Variants in SPEF2 observed in about 807,000 individuals in gnomAD.
SPEF2 encodes sperm flagella and cilia-associated protein 2.
A neutral mutation model predicts 224.6 loss-of-function variants in SPEF2; 187 were observed. The observed-to-expected ratio is 0.83, with a 90% CI of 0.74 to 0.94. The LOEUF is 0.94. SPEF2 is among the 40% of genes least tolerant of loss of function. The pLI is 0.00. For synonymous variants in SPEF2, 715 were observed against 707.3 expected (o/e 1.01, Z -0.17); for missense variants, 2,170 against 2,135.6 (o/e 1.02, Z -0.32).
At chr5:35,681,946 A>C (rs1043435321) in intron 10 of SPEF2, among the ~76,000 whole-genome samples, 2 of 152,208 alleles carry the variant, frequency 1.3e-5, no homozygotes, top group Non-Finnish European at 2.9e-5. Flanking sequence ...TGAATAGCTA[A>C]AGAAAGGTCC....
Position 35,748,503 on chromosome 5 carries a change from A to T in SPEF2, c.3331-5121A>T, listed in dbSNP as rs553387358. ...CAAAACAGGAGATATTACAACTGAC[A>T]TCACTGAAATACAAAAGATCATTCA... On this transcript the variant is annotated intron_variant, in intron 23 of 36. Transcript: ENST00000356031. 4.8e-3 allele frequency among the ~76,000 whole-genome samples: 725 copies of T among 152,322 alleles called. 5 individuals carry two copies. Among genetic ancestry groups the T allele is most frequent in the African/African-American group, 0.017 (688 of 41,576 alleles).
intron 8 of SPEF2, 63 bp downstream of exon 8, chr5:35,659,270 G>A: frequency 1.2e-5 from 18 of 1,443,340 alleles, no homozygotes; most frequent in South Asian, 7.2e-5. Flanking sequence ...ACCAAGTCGT[G>A]GTAAACAAAG....
rs1561103245 is a variant in SPEF2, at chr5:35,633,559, TTGG to T, written c.161+4998_161+5000del. Among the ~76,000 whole-genome samples, 3 of 152,172 alleles carry T rather than the reference TTGG, an allele frequency of 2.0e-5. No individual in the cohort carries two copies. The East Asian group carries it at 5.8e-4, about 29-fold the overall frequency. ...GTATTTTCTTGTAGAAAGCATATGA[TTGG>T]ATTGTATATTCTGTCAATTCCCTCT... On this transcript the variant is annotated intron_variant, in intron 2 of 36. Coordinates refer to ENST00000356031, the MANE Select transcript of SPEF2 (RefSeq NM_024867.4).
chr5:35,729,103 T>C (rs1372273561), intron 21 of SPEF2, among the ~76,000 whole-genome samples: 1 of 152,048 alleles, frequency 6.6e-6, no homozygotes, highest in Admixed American at 6.6e-5. Flanking sequence ...AAAATTAACA[T>C]TGAAATATGG....
At position 35,667,219 on chromosome 5, in the gene SPEF2, T is replaced by C; in HGVS notation, c.1315T>C (p.Leu439=). Residue 439 remains leucine, a synonymous_variant, in exon 9 of 37, where the codon TTG becomes CTG. Transcript: ENST00000356031. Reference sequence around the variant, plus strand: ...AGAAATTTTGGATCAAATAGTTGATTTGTCCACTAAAGTGGCAGACTATCG... The same window carrying C: ...AGAAATTTTGGATCAAATAGTTGATCTGTCCACTAAAGTGGCAGACTATCG... ...CAEILDQIVD[L]STKVADYRML... 5 of 1,607,866 alleles carry C rather than the reference T, an allele frequency of 3.1e-6. No homozygotes were observed. Among genetic ancestry groups the C allele is most frequent in the Non-Finnish European group, 4.2e-6 (5 of 1,176,488 alleles).
Position 35,800,083 on chromosome 5 carries a change from T to G in SPEF2, c.4946T>G (p.Leu1649Arg), listed in dbSNP as rs1757222138. The change falls in exon 34 of 37, where the codon CTC (leucine) becomes CGC (arginine). Residue 1649 changes from leucine (L) to arginine (R), a missense_variant. Transcript: ENST00000356031. Reference protein sequence around the residue: ...PDTVEGVYRALSVAVGTHVFQ... With the variant: ...PDTVEGVYRARSVAVGTHVFQ... ...ACCGTGGAAGGAGTCTACAGGGCCC[T>G]CAGTGTGGCTGTTGGAACTCATGTC... The G allele has an allele frequency of 6.2e-7, 1 of 1,614,014 alleles. No individual in the cohort carries two copies. The highest frequency in any genetic ancestry group is 8.5e-7 in the Non-Finnish European group (1 of 1,180,024).
intron 20 of SPEF2, among the ~76,000 whole-genome samples, chr5:35,726,659 A>T (rs1391339703): frequency 6.6e-6 from 1 of 152,240 alleles, no homozygotes; most frequent in Non-Finnish European, 1.5e-5. Flanking sequence ...ATTATCATTA[A>T]ATAATACTCA....
chr5:35,727,584 G>A (rs1744881007), intron 20 of SPEF2, 91 bp from the exon 21 acceptor site: 1 of 1,095,268 alleles, frequency 9.1e-7, no homozygotes, highest in Admixed American at 2.4e-5. Context: ...TGAATCACCT[G>A]AAGTCCATGG....
Position 35,759,658 on chromosome 5 carries a change from A to C in SPEF2, c.3559A>C (p.Arg1187=). 2 of 1,611,208 alleles carry C rather than the reference A, an allele frequency of 1.2e-6. No homozygotes were observed. The highest frequency in any genetic ancestry group is 2.2e-5 in the South Asian group (2 of 90,634). The change falls in exon 25 of 37, where the codon AGA becomes CGA. Residue 1187 remains arginine (R), a synonymous_variant. Transcript: ENST00000356031. ...TAAAATCCCAGTAGAGGACAACAAG[A>C]GATTTACTCGAATCCCTTTGGTCCA... The part of the protein sequence containing the change: ...ESKIPVEDNK[R]FTRIPLVQLD...
intron 33 of SPEF2, among the ~76,000 whole-genome samples, chr5:35,798,909 T>A (rs1757043351): frequency 6.6e-6 from 1 of 152,236 alleles, no homozygotes; most frequent in Non-Finnish European, 1.5e-5. Flanking sequence ...TCTCATTTCT[T>A]TGAGACATTA....
At position 35,641,582 on chromosome 5, in the gene SPEF2, C is replaced by G. The variant is rs867371659; in HGVS notation, c.313C>G (p.Gln105Glu). 6.2e-7 allele frequency: 1 copy of G among 1,613,592 alleles called. No homozygotes were observed. The highest frequency in any genetic ancestry group is 2.2e-5 in the East Asian group (1 of 44,852). ...KLLYQLYIAL[Q>E]KKKKSGLTGV... ...GTTATATCAATTGTACATTGCTCTT[C>G]AGAAAAAGAAGAAAAGTGGACTGAC... The change falls in exon 3 of 37, where the codon CAG becomes GAG. Residue 105 changes from glutamine (Q) to glutamate (E), a missense_variant. By Grantham distance (29) the Gln-to-Glu change is conservative. Transcript: ENST00000356031.
chr5:35,751,036 C>CGTATATATATACAT (rs1249591349), intron 23 of SPEF2, among the ~76,000 whole-genome samples: 1 of 26,618 alleles, frequency 3.8e-5, no homozygotes, highest in Non-Finnish European at 8.8e-5. Flanking sequence ...TATATATATA[C>CGTATATATATACAT]ACATATGTAT....
At chr5:35,683,437 C>A (rs938016619) in intron 10 of SPEF2, among the ~76,000 whole-genome samples, 2 of 152,164 alleles carry the variant, frequency 1.3e-5, no homozygotes, top group African/African-American at 4.8e-5. Context: ...CCAGCCTGAC[C>A]AACATGGTGA....
At chr5:35,773,594 G>A (rs2149787336) in intron 27 of SPEF2, among the ~76,000 whole-genome samples, 1 of 152,138 alleles carries the variant, frequency 6.6e-6, no homozygotes, top group African/African-American at 2.4e-5. Context: ...CCTAAACTCT[G>A]GATTTCACTA....
chr5:35,627,844 A>C (rs1224501951), intron 1 of SPEF2, among the ~76,000 whole-genome samples: 2 of 152,200 alleles, frequency 1.3e-5, no homozygotes, highest in African/African-American at 4.8e-5. Context: ...ATTCCAGCAC[A>C]GGTATCTCTG....
At chr5:35,725,320 C>T (rs1370261869) in intron 20 of SPEF2, among the ~76,000 whole-genome samples, 2 of 152,184 alleles carry the variant, frequency 1.3e-5, no homozygotes, top group African/African-American at 4.8e-5. Context: ...AAAGCTATCA[C>T]TGTTAACTGA....
At chr5:35,744,775 A>C (rs1308827419) in intron 23 of SPEF2, among the ~76,000 whole-genome samples, 4 of 152,126 alleles carry the variant, frequency 2.6e-5, no homozygotes, top group East Asian at 1.9e-4. Flanking sequence ...AACAAACAAA[A>C]AAACTGGATC....
chr5:35,706,048 A>AT (rs1319500634), intron 18 of SPEF2, among the ~76,000 whole-genome samples: 12 of 103,568 alleles, frequency 1.2e-4, no homozygotes, highest in South Asian at 1.1e-3. Flanking sequence ...TTGTTTTCAC[A>AT]TAAAAAAAAA....
chr5:35,788,179 A>C, intron 30 of SPEF2: 1 of 703,022 alleles, frequency 1.4e-6, no homozygotes, highest in East Asian at 2.7e-5. Context: ...GTAGCTCTCC[A>C]GTGAACAGAG....
Sources: gnomAD v4.1 joint callset for allele counts (sites outside exome capture counted in the v4.1 genomes callset) on GRCh38, gnomAD v4.1.1 for gene constraint, MANE v1.5 for transcripts, NCBI Gene and HGNC (gene_info 2026-07-23, HGNC 2026-07-21) for gene names.